The following MYBL1 variants were observed in gnomAD, a reference collection of about 807,000 sequenced individuals.
MYBL1 encodes MYB proto-oncogene like 1, also known as myb-related protein A.
MYBL1 carries 17 observed loss-of-function variants against 96.3 expected under a neutral mutation model. That is an observed-to-expected ratio of 0.18 (90% CI 0.12 to 0.26). The LOEUF (loss-of-function observed/expected upper bound fraction) is 0.26, where lower values mean the gene tolerates loss of function less well. Among genes scored for constraint, MYBL1 ranks in the 10% least tolerant of loss-of-function variants. MYBL1 has a pLI of 1.00. For synonymous variants in MYBL1, 282 were observed against 292.7 expected, an observed-to-expected ratio of 0.96 and a Z score of 0.37; for missense variants, 701 against 882.9, an observed-to-expected ratio of 0.79 and a Z score of 2.61.
intron 1 of MYBL1, 151 bp downstream of exon 1, chr8:66,612,668 G>T: frequency 1.1e-6 from 1 of 916,410 alleles, no homozygotes; most frequent in Non-Finnish European, 1.5e-6. Flanking sequence ...CTGCCCTCCG[G>T]TCATCGAGGC....
chr8:66,603,746 T>C (rs985409102), intron 1 of MYBL1, among the ~76,000 whole-genome samples: 1 of 152,074 alleles, frequency 6.6e-6, no homozygotes, highest in Non-Finnish European at 1.5e-5. Context: ...GTGATCCTCC[T>C]GCCTCAGCCT....
chr8:66,587,599 T>C (rs899614677), intron 8 of MYBL1, among the ~76,000 whole-genome samples: 1 of 152,132 alleles, frequency 6.6e-6, no homozygotes, highest in Non-Finnish European at 1.5e-5. Flanking sequence ...ACATGTAAAG[T>C]GTGTAGCATT....
chr8:66,582,036 G>A (rs1401144168), intron 8 of MYBL1, among the ~76,000 whole-genome samples: 1 of 151,950 alleles, frequency 6.6e-6, no homozygotes, highest in Non-Finnish European at 1.5e-5. Context: ...AGTAGAGCAG[G>A]TACACAAAGG....
intron 4 of MYBL1, among the ~76,000 whole-genome samples, chr8:66,598,443 G>A (rs1019683429): frequency 6.6e-6 from 1 of 152,168 alleles, no homozygotes; most frequent in Non-Finnish European, 1.5e-5. Flanking sequence ...AATAAAGTTT[G>A]TTTTGAGCAG....
intron 8 of MYBL1, among the ~76,000 whole-genome samples, chr8:66,580,896 A>C (rs1443525993): frequency 6.8e-6 from 1 of 146,856 alleles, no homozygotes; most frequent in Non-Finnish European, 1.5e-5. Flanking sequence ...GTTTTCACTC[A>C]GTTGCCCAGG....
chr8:66,595,508 T>G (rs1318677017), intron 6 of MYBL1, 75 bp downstream of exon 6: 1 of 919,514 alleles, frequency 1.1e-6, no homozygotes, highest in Non-Finnish European at 1.5e-6. Context: ...ATTTGTCCTA[T>G]TAAGAAACCA....
intron 10 of MYBL1, among the ~76,000 whole-genome samples, chr8:66,575,491 T>C (rs1001638795): frequency 1.3e-5 from 2 of 152,060 alleles, no homozygotes; most frequent in African/African-American, 4.8e-5. Context: ...CTAAAAACTG[T>C]AGTATAATAT....
intron 12 of MYBL1, among the ~76,000 whole-genome samples, chr8:66,567,564 G>A (rs1478128181): frequency 6.6e-6 from 1 of 151,810 alleles, no homozygotes; most frequent in Non-Finnish European, 1.5e-5. Flanking sequence ...GTGTGGGAGG[G>A]TAGGTTACAG....
intron 10 of MYBL1, among the ~76,000 whole-genome samples, chr8:66,574,112 G>A (rs773736879): frequency 5.3e-5 from 8 of 152,014 alleles, no homozygotes; most frequent in Non-Finnish European, 1.2e-4. Context: ...ATTTATTTTT[G>A]CAGTCAAAAG....
intron 12 of MYBL1, among the ~76,000 whole-genome samples, chr8:66,570,069 A>G (rs1808668095): frequency 6.6e-6 from 1 of 152,208 alleles, no homozygotes; most frequent in East Asian, 1.9e-4. Flanking sequence ...AGAAATGAAA[A>G]GTCAGCTTAC....
intron 12 of MYBL1, among the ~76,000 whole-genome samples, chr8:66,570,958 C>A (rs1279106809): frequency 6.6e-6 from 1 of 151,902 alleles, no homozygotes; most frequent in South Asian, 2.1e-4. Flanking sequence ...CTTGATCAAC[C>A]CTACTACGTA....
Position 66,595,730 on chromosome 8 carries a change from C to A in MYBL1, c.540G>T (p.Trp180Cys). The A allele has an allele frequency of 6.4e-7, 1 of 1,564,918 alleles. No homozygotes were observed. The highest frequency in any genetic ancestry group is 8.7e-7 in the Non-Finnish European group (1 of 1,153,364). Residue 180 changes from tryptophan (W) to cysteine (C), a missense_variant, in exon 6 of 16, where the codon TGG becomes TGT. By Grantham distance (215) the Trp-to-Cys change is radical. Transcript: ENST00000522677. ...CCACTTTTCTTCGCATAGTAGAATT[C>A]CAATGATTTTTGATAGAATTATCAG... ...GRTDNSIKNH[W>C]NSTMRRKVEQ... is the part of the protein sequence containing the mutation.
chr8:66,573,527 A>G (rs753185041), intron 10 of MYBL1, 21 bp from the exon 11 acceptor site: 2 of 1,576,592 alleles, frequency 1.3e-6, no homozygotes, highest in East Asian at 2.3e-5. Flanking sequence ...AAGAGAGTTT[A>G]AAGACGACTT....
At chr8:66,576,647 T>G (rs1471744602) in intron 9 of MYBL1, among the ~76,000 whole-genome samples, 1 of 152,140 alleles carries the variant, frequency 6.6e-6, no homozygotes, top group Non-Finnish European at 1.5e-5. Flanking sequence ...TATCAAAAAT[T>G]AAGTTATTAT....
intron 1 of MYBL1, among the ~76,000 whole-genome samples, chr8:66,607,587 T>A (rs1486133541): frequency 2.0e-5 from 3 of 151,948 alleles, no homozygotes; most frequent in Admixed American, 6.6e-5. Context: ...TCCACCTTCT[T>A]CAATACATGT....
intron 9 of MYBL1, among the ~76,000 whole-genome samples, chr8:66,579,339 G>A (rs1452742576): frequency 6.6e-6 from 1 of 151,816 alleles, no homozygotes; most frequent in Non-Finnish European, 1.5e-5. Context: ...ATATTCATTT[G>A]ATGGAATACT....
chr8:66,589,175 T>A (rs999330182), intron 8 of MYBL1, among the ~76,000 whole-genome samples: 2 of 152,220 alleles, frequency 1.3e-5, no homozygotes, highest in Non-Finnish European at 2.9e-5. Flanking sequence ...ACTTTCTTCC[T>A]TTTTAATGCA....
chr8:66,604,976 G>A (rs932586161), intron 1 of MYBL1, among the ~76,000 whole-genome samples: 1 of 152,124 alleles, frequency 6.6e-6, no homozygotes, highest in African/African-American at 2.4e-5. Flanking sequence ...ACAGGTGGAT[G>A]TCTGGAACAG....
chr8:66,611,777 T>C (rs944834690), intron 1 of MYBL1, among the ~76,000 whole-genome samples: 5 of 152,348 alleles, frequency 3.3e-5, no homozygotes, highest in Admixed American at 3.3e-4. Flanking sequence ...AAAACAATTA[T>C]GTATAGTTAC....
Sources: gnomAD v4.1 joint callset for allele counts (sites outside exome capture counted in the v4.1 genomes callset) on GRCh38, gnomAD v4.1.1 for gene constraint, MANE v1.5 for transcripts, NCBI Gene and HGNC (gene_info 2026-07-23, HGNC 2026-07-21) for gene names.